XPOT: variants seen among roughly 807,000 people sequenced by gnomAD.
XPOT encodes the protein exportin for tRNA.
XPOT carries 34 observed loss-of-function variants against 128.2 expected under a neutral mutation model. The observed-to-expected ratio is 0.27, with a 90% CI of 0.20 to 0.35. The LOEUF (loss-of-function observed/expected upper bound fraction) is 0.35. Among genes scored for constraint, XPOT ranks in the 10% least tolerant of loss-of-function variants. The pLI, the probability that XPOT is intolerant of heterozygous loss-of-function variation, is 1.00. For missense variants in XPOT, 838 were observed against 1,125.3 expected, an observed-to-expected ratio of 0.74 and a Z score of 3.65; for synonymous variants, 348 against 394.3, an observed-to-expected ratio of 0.88 and a Z score of 1.39.
intron 19 of XPOT, 95 bp downstream of exon 19, chr12:64,433,698 T>C: frequency 7.7e-7 from 1 of 1,294,874 alleles, no homozygotes; most frequent in African/African-American, 1.5e-5. Context: ...AATACAGAAA[T>C]TTTGAAGTTT....
At chr12:64,415,367 TTTATTA>T in intron 3 of XPOT, among the ~76,000 whole-genome samples, 1 of 151,256 alleles carries the variant, frequency 6.6e-6, no homozygotes, top group South Asian at 2.1e-4. Flanking sequence ...ATTTATTTAT[TTTATTA>T]TTATTATTAT....
intron 23 of XPOT, chr12:64,442,746 A>G (rs1055231180): frequency 9.2e-5 from 14 of 152,650 alleles, no homozygotes; most frequent in African/African-American, 3.4e-4. Context: ...CTTGATTTCT[A>G]TATCCACCAG....
intron 21 of XPOT, among the ~76,000 whole-genome samples, 189 bp downstream of exon 21, chr12:64,435,098 C>T (rs1265066031): frequency 6.6e-6 from 1 of 152,052 alleles, no homozygotes; most frequent in Non-Finnish European, 1.5e-5. Flanking sequence ...AATCCCAATG[C>T]TACTGCTGAA....
intron 12 of XPOT, 135 bp from the exon 13 acceptor site, chr12:64,424,903 T>G (rs890593408): frequency 1.8e-5 from 24 of 1,330,896 alleles, no homozygotes; most frequent in Non-Finnish European, 2.4e-5. Context: ...CTTTGTGATG[T>G]ATTGCCTGGG....
chr12:64,440,927 G>A (rs911397392), intron 23 of XPOT, among the ~76,000 whole-genome samples: 1 of 152,096 alleles, frequency 6.6e-6, no homozygotes, highest in East Asian at 1.9e-4. Flanking sequence ...CTGCTCTGTT[G>A]ATTGCTTACT....
At chr12:64,431,108 T>C (rs1006371791) in intron 17 of XPOT, among the ~76,000 whole-genome samples, 1 of 152,134 alleles carries the variant, frequency 6.6e-6, no homozygotes, top group African/African-American at 2.4e-5. Flanking sequence ...CACACCCAGC[T>C]AATTTTTCTA....
chr12:64,418,834 C>T, intron 5 of XPOT, 42 bp from the exon 6 acceptor site: 1 of 1,586,432 alleles, frequency 6.3e-7, no homozygotes, highest in African/African-American at 1.4e-5. Context: ...TGGGTCTTTT[C>T]AATTTACATT....
At chr12:64,427,957 C>CT (rs1390834220) in intron 15 of XPOT, 94 bp from the exon 16 acceptor site, 49 of 853,892 alleles carry the variant, frequency 5.7e-5, no homozygotes, top group Non-Finnish European at 7.1e-5. Flanking sequence ...TACAACTGAA[C>CT]TTTTTTTTAG....
intron 23 of XPOT, among the ~76,000 whole-genome samples, chr12:64,442,005 G>A (rs1367795315): frequency 6.6e-6 from 1 of 152,020 alleles, no homozygotes; most frequent in Non-Finnish European, 1.5e-5. Context: ...TTGACCTGAT[G>A]GAACAGGGAT....
chr12:64,406,163 C>G (rs1210284528), intron 1 of XPOT, among the ~76,000 whole-genome samples: 1 of 152,168 alleles, frequency 6.6e-6, no homozygotes, highest in Admixed American at 6.5e-5. Flanking sequence ...GCAACCTCCC[C>G]CTCCCGGGTT....
Position 64,430,031 on chromosome 12 carries a change from G to C in XPOT, c.1738-18G>C. 6.5e-7 allele frequency: 1 copy of C among 1,548,230 alleles called. No individual in the cohort carries two copies. The highest frequency in any genetic ancestry group is 8.7e-7 in the Non-Finnish European group (1 of 1,152,192). ...ACTCAAAAAATAAAAGCTTTAATAA[G>C]ACTGAATTTCATTCTAGGAGAATGG... On this transcript the variant is annotated intron_variant, in intron 16 of 24. Coordinates refer to ENST00000332707, the MANE Select transcript of XPOT (RefSeq NM_007235.6).
chr12:64,408,835 G>C (rs906079012), intron 1 of XPOT, among the ~76,000 whole-genome samples: 2 of 152,022 alleles, frequency 1.3e-5, no homozygotes, highest in Admixed American at 1.3e-4. Flanking sequence ...CACCAAGCCT[G>C]GCTGATTTTT....
chr12:64,434,779 G>C lies in XPOT; in HGVS notation c.2570-15G>C, dbSNP rs536049821. On this transcript the variant is annotated splice_polypyrimidine_tract_variant and intron_variant, in intron 20 of 24. Coordinates refer to ENST00000332707, the MANE Select transcript of XPOT (RefSeq NM_007235.6). Reference sequence around the variant, plus strand: ...ACTTTTATATATAAGATGAAAATTTGAATTCTCTTGACAGGAGGTAAAGAT... The same window carrying C: ...ACTTTTATATATAAGATGAAAATTTCAATTCTCTTGACAGGAGGTAAAGAT... 2.2e-5 allele frequency: 36 copies of C among 1,607,732 alleles called. 1 individual carries two copies. In the South Asian group the frequency reaches 3.9e-4, roughly 17 times the overall value.
intron 24 of XPOT, among the ~76,000 whole-genome samples, chr12:64,447,237 G>A (rs1195812979): frequency 1.3e-5 from 2 of 152,094 alleles, no homozygotes; most frequent in Non-Finnish European, 2.9e-5. Flanking sequence ...GATCTGCGTG[G>A]GGACACAGGG....
intron 22 of XPOT, 117 bp from the exon 23 acceptor site, chr12:64,439,127 C>T: frequency 2.2e-6 from 2 of 917,330 alleles, no homozygotes; most frequent in Non-Finnish European, 3.4e-6. Flanking sequence ...GCTCTCGGGT[C>T]TGTGTTCTTA....
At chr12:64,424,989 G>A (rs377521911) in intron 12 of XPOT, 49 bp from the exon 13 acceptor site, 10 of 1,605,696 alleles carry the variant, frequency 6.2e-6, no homozygotes, top group Non-Finnish European at 7.7e-6. Context: ...ATAATTTGCT[G>A]TATGAAAAAT....
chr12:64,410,889 G>T (rs1276104584), intron 2 of XPOT, among the ~76,000 whole-genome samples: 1 of 152,088 alleles, frequency 6.6e-6, no homozygotes, highest in Non-Finnish European at 1.5e-5. Context: ...TAAGTGGAAA[G>T]GAAAGAGGCA....
intron 21 of XPOT, among the ~76,000 whole-genome samples, chr12:64,435,336 A>G (rs931468511): frequency 6.6e-6 from 1 of 152,192 alleles, no homozygotes; most frequent in Non-Finnish European, 1.5e-5. Flanking sequence ...ACTTAATGTC[A>G]ATTTCCGCTT....
In XPOT at chr12:64,423,197, G is replaced by T; in HGVS notation, c.1135G>T (p.Val379Phe). The T allele has an allele frequency of 1.3e-6, 2 of 1,595,268 alleles. No homozygotes were observed. Among genetic ancestry groups the T allele is most frequent in the Non-Finnish European group, 1.7e-6 (2 of 1,174,984 alleles). ...KANVEAIMLA[V>F]MKKLTYDEEY... The stretch of plus-strand genomic sequence containing the variant: ...TTATTCTTAGGCAATCATGTTGGCC[G>T]TTATGAAAAAATTGACTTACGATGA... Residue 379 changes from valine (V) to phenylalanine (F), a missense_variant, in exon 11 of 25, where the codon GTT (valine) becomes TTT (phenylalanine). Physicochemically the swap from Val to Phe is conservative, Grantham distance 50. Coordinates refer to ENST00000332707, the MANE Select transcript of XPOT (RefSeq NM_007235.6).
Sources: allele counts gnomAD v4.1 joint callset (sites outside exome capture counted in the v4.1 genomes callset), GRCh38; gene constraint gnomAD v4.1.1; transcripts MANE v1.5; gene names NCBI Gene and HGNC (gene_info 2026-07-23, HGNC 2026-07-21).